The following AGO1 variants were observed in gnomAD, a reference collection of about 807,000 sequenced individuals.
The protein encoded by AGO1 is protein argonaute-1.
A neutral mutation model predicts 109.2 loss-of-function variants in AGO1; 11 were observed. The ratio of observed to expected loss-of-function variants is 0.10; its 90% CI spans 0.06 to 0.17. The LOEUF (loss-of-function observed/expected upper bound fraction) is 0.17. AGO1 is among the 10% of genes least tolerant of loss of function. The pLI is 1.00. For missense variants in AGO1, 574 were observed against 1,140.3 expected, an observed-to-expected ratio of 0.50 and a Z score of 7.15; for synonymous variants, 422 against 418.6, an observed-to-expected ratio of 1.01 and a Z score of -0.10.
chr1:35,906,638 A>G (rs983210302), intron 11 of AGO1, among the ~76,000 whole-genome samples: 3 of 151,904 alleles, frequency 2.0e-5, no homozygotes, highest in African/African-American at 7.3e-5. Flanking sequence ...GTGAGATCCC[A>G]TCTCTACCAA....
chr1:35,875,036 A>AC (rs1330889461), intron 1 of AGO1, among the ~76,000 whole-genome samples: 1 of 152,232 alleles, frequency 6.6e-6, no homozygotes, highest in Non-Finnish European at 1.5e-5. Context: ...ATAACATAAA[A>AC]GTCGAAGGTG....
At chr1:35,899,839 G>T (rs1645383450) in intron 8 of AGO1, among the ~76,000 whole-genome samples, 1 of 152,104 alleles carries the variant, frequency 6.6e-6, no homozygotes, top group Non-Finnish European at 1.5e-5. Context: ...GAGACAGCTA[G>T]TGTATTTTTT....
chr1:35,894,083 G>A lies in AGO1; in HGVS notation c.696G>A (p.Met232Ile). ...AGGCACAGCCAGTGATTGAGTTCAT[G>A]TGTGAGGTGCTGGACATCAGGAACA... ...FYKAQPVIEF[M>I]CEVLDIRNID... Residue 232 changes from methionine to isoleucine, a missense_variant, in exon 6 of 19, where the codon ATG becomes ATA. By Grantham distance (10) the Met-to-Ile change is conservative. This residue lies in a region of AGO1 where 129 missense variants were observed against 243.0 expected (regional missense o/e 0.53). Coordinates refer to ENST00000373204, the MANE Select transcript of AGO1 (RefSeq NM_012199.5). 2 of 1,582,726 alleles carry A rather than the reference G, an allele frequency of 1.3e-6. No individual in the cohort carries two copies. The highest frequency in any genetic ancestry group is 1.7e-6 in the Non-Finnish European group (2 of 1,166,070).
At chr1:35,916,787 G>C (rs549727672) in intron 15 of AGO1, among the ~76,000 whole-genome samples, 4 of 152,294 alleles carry the variant, frequency 2.6e-5, no homozygotes, top group African/African-American at 9.6e-5. Context: ...AATTCAAACT[G>C]CTTAGCAAAG....
In AGO1 at chr1:35,894,340, T is replaced by C; in HGVS notation, c.810T>C (p.Cys270=). The C allele has an allele frequency of 1.2e-6, 2 of 1,614,226 alleles. No homozygotes were observed. The highest frequency in any genetic ancestry group is 1.7e-6 in the Non-Finnish European group (2 of 1,180,038). The change falls in exon 7 of 19, where the codon TGT becomes TGC. Residue 270 remains cysteine (C), a synonymous_variant. Coordinates refer to ENST00000373204, the MANE Select transcript of AGO1 (RefSeq NM_012199.5). ...IKGLKVEVTH[C]GQMKRKYRVC... Reference sequence around the variant, plus strand: ...GCCTGAAGGTGGAAGTCACCCACTGTGGACAGATGAAGAGGAAGTACCGCG... The same window carrying C: ...GCCTGAAGGTGGAAGTCACCCACTGCGGACAGATGAAGAGGAAGTACCGCG...
At chr1:35,915,935 G>A (rs1379381822) in intron 15 of AGO1, among the ~76,000 whole-genome samples, 2 of 152,196 alleles carry the variant, frequency 1.3e-5, no homozygotes, top group Non-Finnish European at 2.9e-5. Flanking sequence ...CAAGTTCTTA[G>A]GCGATGCTGA....
rs934536365 is a variant in AGO1 at position 35,920,351 on chromosome 1, TCTTC to T, written c.*750_*753del. On this transcript the variant is annotated 3_prime_UTR_variant, in exon 19 of 19. Coordinates refer to ENST00000373204, the MANE Select transcript of AGO1 (RefSeq NM_012199.5). ...TTAGCTTTGAAGTGACACGACCCTG[TCTTC>T]CTTCCGCCCGCTGGTGGGTAACCAG... The T allele has an allele frequency of 5.9e-5, 9 of 152,684 alleles. No individual in the cohort carries two copies. In the Middle Eastern group the frequency reaches 0.01, roughly 171 times the overall value. 9.5% of individuals were successfully genotyped at this position (152,684 alleles called of 1,614,324 possible).
chr1:35,890,712 T>C (rs888979220), intron 2 of AGO1, among the ~76,000 whole-genome samples: 2 of 152,146 alleles, frequency 1.3e-5, no homozygotes, highest in Admixed American at 1.3e-4. Flanking sequence ...TTTTCAGATA[T>C]TGCAACTTGT....
chr1:35,893,067 C>T lies in AGO1; in HGVS notation c.331-30C>T, dbSNP rs775142965. 4 of 1,604,470 alleles carry T rather than the reference C, an allele frequency of 2.5e-6. No individual in the cohort carries two copies. Among genetic ancestry groups the T allele is most frequent in the Non-Finnish European group, 3.4e-6 (4 of 1,173,438 alleles). Reference sequence around the variant, plus strand: ...GTCATTCTCGCAGAGCAATGGCAATCCTTCATCCCTTTCTTTCACCCTCCT... The same window carrying T: ...GTCATTCTCGCAGAGCAATGGCAATTCTTCATCCCTTTCTTTCACCCTCCT... On this transcript the variant is annotated intron_variant, in intron 3 of 18. Transcript: ENST00000373204. The surrounding 1 kb of genome is among the most constrained non-coding windows in gnomAD (Gnocchi z 5.6).
chr1:35,919,303 C>A lies in AGO1; in HGVS notation c.2465+49C>A. 1 of 1,573,248 alleles carries A rather than the reference C, an allele frequency of 6.4e-7. No homozygotes were observed. Among genetic ancestry groups the A allele is most frequent in the Non-Finnish European group, 8.6e-7 (1 of 1,156,614 alleles). On this transcript the variant is annotated intron_variant, in intron 18 of 18. Transcript: ENST00000373204. The surrounding 1 kb of genome is among the most constrained non-coding windows in gnomAD (Gnocchi z 6.6). ...CTCCTTTTTGCTTCAGCCTATTGTG[C>A]CAGATCTTCTTAACTTTCCTTGGGT...
intron 8 of AGO1, among the ~76,000 whole-genome samples, chr1:35,897,063 T>C (rs1645333272): frequency 6.6e-6 from 1 of 152,192 alleles, no homozygotes; most frequent in Admixed American, 6.5e-5. Flanking sequence ...TCTCAGGTGC[T>C]AGGAACATGG....
intron 1 of AGO1, among the ~76,000 whole-genome samples, chr1:35,886,748 C>G (rs1645127105): frequency 6.6e-6 from 1 of 151,906 alleles, no homozygotes; most frequent in South Asian, 2.1e-4. Flanking sequence ...TGTCTGTGTG[C>G]TGTGTGTGCT....
Position 35,919,764 on chromosome 1 carries a change from A to G in AGO1, c.*157A>G. 1 of 644,260 alleles carries G rather than the reference A, an allele frequency of 1.6e-6. No homozygotes were observed. The highest frequency in any genetic ancestry group is 2.0e-5 in the South Asian group (1 of 49,800). The allele number at this position is 644,260 out of a possible 1,614,324, so 39.9% of individuals were successfully genotyped here. A position where few individuals can be genotyped will look rare whatever the true frequency, so the allele number is the denominator to read the frequency against. ...TATAGAGGTGGTGTAAGAGTGGGGA[A>G]CAGGGCCAGCAAGACAGACCACCAG... On this transcript the variant is annotated 3_prime_UTR_variant, in exon 19 of 19. Coordinates refer to ENST00000373204, the MANE Select transcript of AGO1 (RefSeq NM_012199.5). This position sits in a 1 kb window ranked among gnomAD's most constrained non-coding sequence, Gnocchi z 6.6.
Position 35,893,349 on chromosome 1 carries a change from A to C in AGO1, c.512+71A>C. 5 of 1,513,010 alleles carry C rather than the reference A, an allele frequency of 3.3e-6. No individual in the cohort carries two copies. Among genetic ancestry groups the C allele is most frequent in the South Asian group, 1.2e-5 (1 of 81,020 alleles). The allele number at this position is 1,513,010 out of a possible 1,614,324, so 93.7% of individuals were successfully genotyped here. On this transcript the variant is annotated intron_variant, in intron 4 of 18. Coordinates refer to ENST00000373204, the MANE Select transcript of AGO1 (RefSeq NM_012199.5). The surrounding 1 kb of genome is among the most constrained non-coding windows in gnomAD (Gnocchi z 5.6). ...GCTGTCAGGGGAGGAGGGGGAGCACATATTAAGGTCCCACAGAGTGCCATT... is the reference window on the plus strand; with the variant it reads ...GCTGTCAGGGGAGGAGGGGGAGCACCTATTAAGGTCCCACAGAGTGCCATT...
At chr1:35,884,481 CTGTT>C (rs1404466553) in intron 1 of AGO1, among the ~76,000 whole-genome samples, 1 of 152,104 alleles carries the variant, frequency 6.6e-6, no homozygotes. Context: ...ATTGAATTGT[CTGTT>C]AAGGTTACAC....
Position 35,901,874 on chromosome 1 carries a change from C to G in AGO1, c.1141-74C>G. On this transcript the variant is annotated intron_variant, in intron 9 of 18. Coordinates refer to ENST00000373204, the MANE Select transcript of AGO1 (RefSeq NM_012199.5). This position sits in a 1 kb window ranked among gnomAD's most constrained non-coding sequence, Gnocchi z 4.8. Reference sequence around the variant, plus strand: ...AACCCCAGCTTCTCCTTAGGGTTCTCTCCTTGATACCCAGAGGGTGAGCAG... The same window carrying G: ...AACCCCAGCTTCTCCTTAGGGTTCTGTCCTTGATACCCAGAGGGTGAGCAG... 6.6e-7 allele frequency: 1 copy of G among 1,520,484 alleles called. No homozygotes were observed. The highest frequency in any genetic ancestry group is 1.3e-5 in the South Asian group (1 of 75,574). 94.2% of individuals were successfully genotyped at this position (1,520,484 alleles called of 1,614,324 possible).
intron 11 of AGO1, 139 bp from the exon 12 acceptor site, chr1:35,906,796 C>A: frequency 3.0e-6 from 2 of 676,274 alleles, no homozygotes; most frequent in South Asian, 2.1e-5. Flanking sequence ...TGACAGAGCA[C>A]CCTGTCTCAA....
intron 1 of AGO1, among the ~76,000 whole-genome samples, chr1:35,876,527 A>G (rs1477878822): frequency 6.6e-6 from 1 of 152,150 alleles, no homozygotes; most frequent in South Asian, 2.1e-4. Context: ...CGGCCTCCCA[A>G]AGTGCTGGGA....
At chr1:35,892,432 C>G in intron 2 of AGO1, 125 bp from the exon 3 acceptor site, 1 of 1,242,480 alleles carries the variant, frequency 8.0e-7, no homozygotes, top group Non-Finnish European at 1.1e-6. Flanking sequence ...TTGAGAAGCA[C>G]TGTCATAGAG....
Sources: gnomAD v4.1 joint callset for allele counts (sites outside exome capture counted in the v4.1 genomes callset) on GRCh38, gnomAD v4.1.1 for gene constraint, gnomAD v4.1.1 regional missense constraint, Gnocchi (gnomAD v3.1) non-coding constraint, MANE v1.5 for transcripts, NCBI Gene and HGNC (gene_info 2026-07-23, HGNC 2026-07-21) for gene names.